Variants in NALF1 observed in about 807,000 individuals in gnomAD.
NALF1 encodes the protein family with sequence similarity 155 member A.
Under a neutral mutation model 48.4 loss-of-function variants are expected in NALF1, and 3 were observed. The ratio of observed to expected loss-of-function variants is 0.06; its 90% CI spans 0.03 to 0.16. The LOEUF (loss-of-function observed/expected upper bound fraction) is 0.16. Ranked by LOEUF, NALF1 falls within the 10% of genes least tolerant of loss-of-function variation. NALF1 has a pLI of 1.00. For synonymous variants in NALF1, 262 were observed against 245.7 expected (o/e 1.07, Z -0.62); for missense variants, 526 against 571.5 (o/e 0.92, Z 0.81).
intron 2 of NALF1, among the ~76,000 whole-genome samples, chr13:107,171,381 C>G (rs915216122): frequency 6.6e-6 from 1 of 152,194 alleles, no homozygotes; most frequent in African/African-American, 2.4e-5. Context: ...TCTCCATTTG[C>G]TTTCTACAGA....
At chr13:107,259,705 G>T (rs1880893173) in intron 1 of NALF1, among the ~76,000 whole-genome samples, 1 of 152,160 alleles carries the variant, frequency 6.6e-6, no homozygotes, top group Admixed American at 6.5e-5. Flanking sequence ...TTTTATTAAG[G>T]TAGAGGAGGC....
chr13:107,569,814 CCTGT>C (rs1205012756), intron 1 of NALF1, among the ~76,000 whole-genome samples: 3 of 152,154 alleles, frequency 2.0e-5, no homozygotes, highest in Non-Finnish European at 4.4e-5. Context: ...TTGCCTTAAA[CCTGT>C]CTATCAATTT....
At chr13:107,490,648 C>A (rs555682523) in intron 1 of NALF1, among the ~76,000 whole-genome samples, 2 of 151,956 alleles carry the variant, frequency 1.3e-5, no homozygotes, top group Non-Finnish European at 2.9e-5. Context: ...ATAATCTGTA[C>A]AACAAACTCC....
chr13:107,504,822 C>T (rs1875642973), intron 1 of NALF1, among the ~76,000 whole-genome samples: 1 of 152,164 alleles, frequency 6.6e-6, no homozygotes, highest in Non-Finnish European at 1.5e-5. Flanking sequence ...AAAGATCATC[C>T]TGGGTGAAGC....
At chr13:107,575,571 C>A (rs1878115557) in intron 1 of NALF1, among the ~76,000 whole-genome samples, 1 of 152,144 alleles carries the variant, frequency 6.6e-6, no homozygotes, top group Non-Finnish European at 1.5e-5. Flanking sequence ...TCCATATAAA[C>A]AACTTGCCCT....
At chr13:107,340,559 G>A (rs1215072578) in intron 1 of NALF1, among the ~76,000 whole-genome samples, 3 of 146,580 alleles carry the variant, frequency 2.0e-5, no homozygotes, top group African/African-American at 5.1e-5. Flanking sequence ...AAAATAAAAC[G>A]TGAAAGGAAG....
intron 1 of NALF1, among the ~76,000 whole-genome samples, chr13:107,563,551 A>G (rs947842466): frequency 1.3e-5 from 2 of 152,190 alleles, no homozygotes; most frequent in Non-Finnish European, 2.9e-5. Flanking sequence ...ATAGTGACAG[A>G]TATTTGCAAA....
intron 1 of NALF1, among the ~76,000 whole-genome samples, chr13:107,293,125 C>T (rs937882112): frequency 7.9e-5 from 12 of 151,458 alleles, no homozygotes; most frequent in Admixed American, 2.0e-4. Context: ...GGACTACAGG[C>T]ACCCACCACC....
chr13:107,364,215 A>T (rs1883112807), intron 1 of NALF1, among the ~76,000 whole-genome samples: 1 of 152,238 alleles, frequency 6.6e-6, no homozygotes, highest in Non-Finnish European at 1.5e-5. Flanking sequence ...GGCATTCAAA[A>T]TAATTTTGAT....
intron 1 of NALF1, among the ~76,000 whole-genome samples, chr13:107,251,625 G>C (rs919069087): frequency 6.6e-6 from 1 of 152,160 alleles, no homozygotes; most frequent in African/African-American, 2.4e-5. Context: ...GCTGAAGGTA[G>C]GGGAGTGCAG....
intron 1 of NALF1, among the ~76,000 whole-genome samples, chr13:107,248,677 G>T (rs1285782881): frequency 6.6e-6 from 1 of 150,828 alleles, no homozygotes; most frequent in Non-Finnish European, 1.5e-5. Context: ...ATTTTTGATA[G>T]CCACTGTGTT....
At chr13:107,781,970 T>C (rs963769218) in intron 1 of NALF1, among the ~76,000 whole-genome samples, 3 of 152,194 alleles carry the variant, frequency 2.0e-5, no homozygotes, top group African/African-American at 7.2e-5. Flanking sequence ...TGATAAAAAT[T>C]GTAAGGAAAG....
At chr13:107,667,138 C>T (rs1200681366) in intron 1 of NALF1, among the ~76,000 whole-genome samples, 1 of 151,914 alleles carries the variant, frequency 6.6e-6, no homozygotes, top group Non-Finnish European at 1.5e-5. Flanking sequence ...AATTTAATTG[C>T]TCAATAAATG....
intron 1 of NALF1, among the ~76,000 whole-genome samples, chr13:107,565,117 A>G (rs914563891): frequency 1.3e-5 from 2 of 149,632 alleles, no homozygotes; most frequent in African/African-American, 4.9e-5. Flanking sequence ...AAAAAAAAAC[A>G]GACATAAACA....
chr13:107,782,240 A>T (rs1347075591), intron 1 of NALF1, among the ~76,000 whole-genome samples: 3 of 152,118 alleles, frequency 2.0e-5, no homozygotes, highest in Admixed American at 6.5e-5. Context: ...TTTTTGGTGG[A>T]GACGGGGTTT....
intron 1 of NALF1, among the ~76,000 whole-genome samples, chr13:107,366,458 G>C (rs1177146426): frequency 6.6e-6 from 1 of 152,182 alleles, no homozygotes; most frequent in Non-Finnish European, 1.5e-5. Flanking sequence ...GCCTGCCTAT[G>C]TGGATGAGTA....
chr13:107,350,237 G>A (rs554364944), intron 1 of NALF1, among the ~76,000 whole-genome samples: 1 of 152,252 alleles, frequency 6.6e-6, no homozygotes, highest in Admixed American at 6.5e-5. Flanking sequence ...GTGCAATCAA[G>A]ACAAATTCAG....
At position 107,474,706 on chromosome 13, in the gene NALF1, A is replaced by G. The variant is rs558856017; in HGVS notation, c.916-263951T>C. ...CACAGTCAAGAACAAGAGATTTAAT[A>G]GTTATGGGAGGCACTATCCAAGTAC... On this transcript the variant is annotated intron_variant, in intron 1 of 2. Transcript: ENST00000375915. 9.9e-5 allele frequency among the ~76,000 whole-genome samples: 15 copies of G among 152,274 alleles called. 1 individual carries two copies. The South Asian group carries it at 2.9e-3, about 29-fold the overall frequency.
intron 1 of NALF1, among the ~76,000 whole-genome samples, chr13:107,864,311 G>A (rs1880652127): frequency 6.6e-6 from 1 of 152,150 alleles, no homozygotes; most frequent in African/African-American, 2.4e-5. Flanking sequence ...TGAGAATAAG[G>A]CAAGGTCAGT....
Sources: gnomAD v4.1 joint callset for allele counts (sites outside exome capture counted in the v4.1 genomes callset) on GRCh38, gnomAD v4.1.1 for gene constraint, MANE v1.5 for transcripts, NCBI Gene and HGNC (gene_info 2026-07-23, HGNC 2026-07-21) for gene names.